Variants in CUBN observed in about 807,000 individuals in gnomAD.
The protein encoded by CUBN is cubilin.
Under a neutral mutation model 405.3 loss-of-function variants are expected in CUBN, and 282 were observed. That is an observed-to-expected ratio of 0.70 (90% CI 0.63 to 0.77). The LOEUF (loss-of-function observed/expected upper bound fraction) is 0.77, where lower values mean the gene tolerates loss of function less well. Ranked by LOEUF, CUBN falls within the 30% of genes least tolerant of loss-of-function variation. The pLI is 0.00. For missense variants in CUBN, 4,514 were observed against 4,475.2 expected (o/e 1.01, Z -0.25); for synonymous variants, 1,684 against 1,617.0 (o/e 1.04, Z -0.99).
At chr10:16,918,977 T>A (rs977788058) in intron 44 of CUBN, among the ~76,000 whole-genome samples, 177 bp from the exon 45 acceptor site, 1 of 152,252 alleles carries the variant, frequency 6.6e-6, no homozygotes, top group African/African-American at 2.4e-5. Flanking sequence ...TTTTTCCTAA[T>A]AATACATTCT....
intron 31 of CUBN, among the ~76,000 whole-genome samples, chr10:16,981,659 C>T (rs1358401878): frequency 6.6e-6 from 1 of 152,130 alleles, no homozygotes; most frequent in African/African-American, 2.4e-5. Flanking sequence ...GAGCCTGCTC[C>T]CACCAGAGAT....
In CUBN at chr10:17,047,591, T is replaced by C; in HGVS notation, c.3152A>G (p.Asp1051Gly). The change falls in exon 23 of 67, where the codon GAC (aspartate) becomes GGC (glycine). Residue 1051 changes from aspartate (D) to glycine (G), a missense_variant. Asp to Gly is a moderately conservative substitution (Grantham distance 94). Around this residue, in one of 5 missense-constraint regions of CUBN, gnomAD observed 1,448 missense variants for 1,388.0 expected, o/e 1.04. Transcript: ENST00000377833. ...AISAATACLQDYTDDLGTFTS... is the reference protein window; with the variant it reads ...AISAATACLQGYTDDLGTFTS... ...GAATGTCCCCAAATCATCTGTGTAG[T>C]CTTGCAAACATGCTGTGAACAGAAA... 1.2e-6 allele frequency: 2 copies of C among 1,613,948 alleles called. No individual in the cohort carries two copies. The highest frequency in any genetic ancestry group is 1.7e-5 in the Admixed American group (1 of 60,022).
intron 28 of CUBN, among the ~76,000 whole-genome samples, chr10:16,992,192 G>A (rs539970702): frequency 1.3e-5 from 2 of 151,828 alleles, no homozygotes; most frequent in Admixed American, 1.3e-4. Flanking sequence ...ATTCAACAAT[G>A]AGAACACTTG....
intron 21 of CUBN, 79 bp downstream of exon 21, chr10:17,067,984 TG>T: frequency 1.8e-6 from 2 of 1,118,688 alleles, no homozygotes; most frequent in African/African-American, 1.5e-5. Context: ...TAACACAACG[TG>T]GTCAATTTTA....
intron 29 of CUBN, among the ~76,000 whole-genome samples, chr10:16,988,515 G>A (rs1233963034): frequency 6.6e-6 from 1 of 152,134 alleles, no homozygotes; most frequent in African/African-American, 2.4e-5. Flanking sequence ...AATGAAATCA[G>A]AGATAGAAAT....
intron 54 of CUBN, among the ~76,000 whole-genome samples, chr10:16,892,338 A>AG (rs1841055586): frequency 6.6e-6 from 1 of 152,148 alleles, no homozygotes; most frequent in Admixed American, 6.5e-5. Context: ...TAAAAATGTC[A>AG]GGAAAAAAAA....
chr10:17,030,290 C>A (rs1834760977), intron 27 of CUBN, among the ~76,000 whole-genome samples: 1 of 152,064 alleles, frequency 6.6e-6, no homozygotes, highest in East Asian at 1.9e-4. Context: ...CCTCCCACCC[C>A]ACCCCCGGTC....
In CUBN at chr10:16,925,723, T is replaced by A; in HGVS notation, c.6323A>T (p.Tyr2108Phe). The change falls in exon 42 of 67, where the codon TAT becomes TTT. Residue 2108 changes from tyrosine (Y) to phenylalanine (F), a missense_variant. Physicochemically the swap from Tyr to Phe is conservative, Grantham distance 22 (BLOSUM62 3). Coordinates refer to ENST00000377833, the MANE Select transcript of CUBN (RefSeq NM_001081.4). ...GAGGTTGGATGGGTAAGTCTCTGGA[T>A]ACTTGGGGGACGTGATGATCCCTCT... ...ADRGIITSPK[Y>F]PETYPSNLNC... 6.2e-7 allele frequency: 1 copy of A among 1,614,016 alleles called. No homozygotes were observed. Among genetic ancestry groups the A allele is most frequent in the Non-Finnish European group, 8.5e-7 (1 of 1,179,958 alleles).
At chr10:16,950,356 A>T (rs960245662) in intron 33 of CUBN, among the ~76,000 whole-genome samples, 66 of 152,038 alleles carry the variant, frequency 4.3e-4, no homozygotes, top group African/African-American at 1.5e-3. Flanking sequence ...AGGGATGGAT[A>T]CCCCATTTCC....
At chr10:17,020,118 A>T in intron 27 of CUBN, 135 bp from the exon 28 acceptor site, 1 of 833,844 alleles carries the variant, frequency 1.2e-6, no homozygotes, top group Non-Finnish European at 2.0e-6. Context: ...GGTTGAGTAC[A>T]CAGAACTCAA....
In CUBN at chr10:17,019,952, T is replaced by G; in HGVS notation, c.4049A>C (p.Tyr1350Ser). Residue 1350 changes from tyrosine to serine, a missense_variant, in exon 28 of 67, where the codon TAC (tyrosine) becomes TCC (serine). Transcript: ENST00000377833. ...TGGAGGGGGCAGGTCTACTCCACAG[T>G]AGCGTCCCATCTGCCGTGGTCCATC... ...LYDGPRQMGRYCGVDLPPPGS... is the reference protein window; with the variant it reads ...LYDGPRQMGRSCGVDLPPPGS... 3 of 1,614,078 alleles carry G rather than the reference T, an allele frequency of 1.9e-6. No homozygotes were observed. The highest frequency in any genetic ancestry group is 2.5e-6 in the Non-Finnish European group (3 of 1,179,930).
At chr10:17,028,587 G>A (rs1177050363) in intron 27 of CUBN, among the ~76,000 whole-genome samples, 1 of 151,878 alleles carries the variant, frequency 6.6e-6, no homozygotes, top group Admixed American at 6.6e-5. Context: ...CAGGCGTGGT[G>A]GTGGGCGCAT....
chr10:17,121,394 T>C (rs546262980), intron 6 of CUBN, among the ~76,000 whole-genome samples: 1 of 152,094 alleles, frequency 6.6e-6, no homozygotes, highest in African/African-American at 2.4e-5. Context: ...ATGTCCTTTG[T>C]AGGGACATGG....
intron 47 of CUBN, 133 bp from the exon 48 acceptor site, chr10:16,914,125 C>T: frequency 5.2e-6 from 5 of 962,096 alleles, no homozygotes; most frequent in East Asian, 2.6e-5. Flanking sequence ...TATTTATGTG[C>T]ATGAGGATTT....
In CUBN at chr10:16,836,282, C is replaced by T; in HGVS notation, c.10133G>A (p.Gly3378Glu). 1 of 1,613,842 alleles carries T rather than the reference C, an allele frequency of 6.2e-7. No individual in the cohort carries two copies. The highest frequency in any genetic ancestry group is 8.5e-7 in the Non-Finnish European group (1 of 1,179,762). The change falls in exon 63 of 67, where the codon GGA (glycine) becomes GAA (glutamate). Residue 3378 changes from glycine to glutamate, a missense_variant. Transcript: ENST00000377833. ...CATTCTAGAGTTTCTGTTTACAACTCCAGATTTGAAAATGACCATTGCAGT... is the reference window on the plus strand; with the variant it reads ...CATTCTAGAGTTTCTGTTTACAACTTCAGATTTGAAAATGACCATTGCAGT... ...MSTAMVIFKS[G>E]VVNRNSRMSF...
At chr10:17,125,352 C>T (rs1261943612) in intron 4 of CUBN, among the ~76,000 whole-genome samples, 1 of 152,118 alleles carries the variant, frequency 6.6e-6, no homozygotes, top group African/African-American at 2.4e-5. Flanking sequence ...AGAGGATAGC[C>T]AACTGACTCA....
chr10:17,007,906 A>G (rs1396370157), intron 28 of CUBN, among the ~76,000 whole-genome samples: 2 of 152,200 alleles, frequency 1.3e-5, no homozygotes, highest in Non-Finnish European at 2.9e-5. Context: ...CTGTAATCCC[A>G]GCATTTTGAG....
In CUBN at chr10:16,931,871, T is replaced by C. The variant is rs139688200; in HGVS notation, c.6124+1216A>G. ...AAAAGAATAACCATAATTTACTTCA[T>C]AGATGCAGTTACCTACTTAAGATTT... On this transcript the variant is annotated intron_variant, in intron 40 of 66. Transcript: ENST00000377833. Among the ~76,000 whole-genome samples the C allele has an allele frequency of 2.2e-3, 334 of 152,358 alleles. 2 individuals are homozygous for C. The highest frequency in any genetic ancestry group is 7.7e-3 in the African/African-American group (319 of 41,576).
chr10:16,894,336 A>G (rs1281730234), intron 54 of CUBN, among the ~76,000 whole-genome samples: 1 of 151,748 alleles, frequency 6.6e-6, no homozygotes, highest in East Asian at 1.9e-4. Flanking sequence ...TAGAAGTTTT[A>G]TATTTTACTT....
Sources: gnomAD v4.1 joint callset for allele counts (sites outside exome capture counted in the v4.1 genomes callset) on GRCh38, gnomAD v4.1.1 for gene constraint, gnomAD v4.1.1 regional missense constraint, MANE v1.5 for transcripts, NCBI Gene and HGNC (gene_info 2026-07-23, HGNC 2026-07-21) for gene names.